The following SYT1 variants were observed in gnomAD, a reference collection of about 807,000 sequenced individuals.
SYT1 encodes synaptotagmin 1.
SYT1 carries 8 observed loss-of-function variants against 44.8 expected under a neutral mutation model. The observed-to-expected ratio is 0.18, with a 90% confidence interval of 0.10 to 0.32. The LOEUF is 0.32. Ranked by LOEUF, SYT1 falls within the 10% of genes least tolerant of loss-of-function variation. The pLI, the probability that SYT1 is intolerant of heterozygous loss-of-function variation, is 1.00. For synonymous variants in SYT1, 154 were observed against 188.8 expected, an observed-to-expected ratio of 0.82 and a Z score of 1.51; for missense variants, 286 against 509.3, an observed-to-expected ratio of 0.56 and a Z score of 4.22.
chr12:78,888,839 G>A (rs561342537), intron 1 of SYT1, among the ~76,000 whole-genome samples: 5 of 151,780 alleles, frequency 3.3e-5, no homozygotes, highest in African/African-American at 4.8e-5. Context: ...ACTTTGGAGC[G>A]CAAGGTTCTT....
intron 4 of SYT1, among the ~76,000 whole-genome samples, chr12:79,268,337 G>A (rs887726221): frequency 4.6e-5 from 7 of 152,118 alleles, no homozygotes; most frequent in African/African-American, 7.2e-5. Context: ...TAAGTTTGCC[G>A]TGACTATATA....
rs915841053 is a variant in SYT1, at chr12:79,001,190, A to G, written c.-84+23259A>G. Among the ~76,000 whole-genome samples, 7 of 152,060 alleles carry G rather than the reference A, an allele frequency of 4.6e-5. No individual in the cohort carries two copies. In the East Asian group the frequency reaches 1.2e-3, roughly 25 times the overall value. On this transcript the variant is annotated intron_variant, in intron 2 of 10. Transcript: ENST00000261205. The stretch of plus-strand genomic sequence containing the variant: ...TATTTAACCAGTTTACCTATTTTAC[A>G]TGCTACATTTAATGGACTAAAATGA...
intron 9 of SYT1, among the ~76,000 whole-genome samples, chr12:79,374,589 A>G (rs1042838806): frequency 2.0e-5 from 3 of 152,218 alleles, no homozygotes; most frequent in Non-Finnish European, 4.4e-5. Flanking sequence ...AAACCAGATT[A>G]GTTTCAGGAC....
chr12:79,264,609 A>G (rs1258015118), intron 4 of SYT1, among the ~76,000 whole-genome samples: 1 of 152,220 alleles, frequency 6.6e-6, no homozygotes, highest in Non-Finnish European at 1.5e-5. Context: ...CATGTTGCCA[A>G]TGGAAAGATA....
At chr12:79,435,937 C>T (rs1054288252) in intron 9 of SYT1, among the ~76,000 whole-genome samples, 4 of 152,096 alleles carry the variant, frequency 2.6e-5, no homozygotes, top group South Asian at 4.2e-4. Context: ...AGAACCCCTG[C>T]TTTAAGGATA....
At position 78,864,803 on chromosome 12, in the gene SYT1, G is replaced by GGCAGCGGCAGCAGCAGTTA. The variant is rs1242875153; in HGVS notation, c.-513_-495dup. The stretch of plus-strand genomic sequence containing the variant: ...TCTTTCCACCTCCTCCTGCAGCAGC[G>GGCAGCGGCAGCAGCAGTTA]GCAGCGGCAGCAGCAGTTAGCAGCG... On this transcript the variant is annotated 5_prime_UTR_variant, in exon 1 of 11. Transcript: ENST00000261205. 1.9e-5 allele frequency: 3 copies of GGCAGCGGCAGCAGCAGTTA among 157,918 alleles called. No homozygotes were observed. The highest frequency in any genetic ancestry group is 6.5e-5 in the Admixed American group (1 of 15,340). 9.8% of individuals were successfully genotyped at this position (157,918 alleles called of 1,614,324 possible). A position where few individuals can be genotyped will look rare whatever the true frequency, so the allele number is the denominator to read the frequency against.
chr12:79,089,364 T>C (rs564174057), intron 3 of SYT1, among the ~76,000 whole-genome samples: 24 of 151,890 alleles, frequency 1.6e-4, no homozygotes, highest in African/African-American at 5.5e-4. Context: ...TTATACTGAG[T>C]TATCTATTTC....
chr12:79,277,698 C>A (rs1358237562), intron 4 of SYT1, among the ~76,000 whole-genome samples: 2 of 152,058 alleles, frequency 1.3e-5, no homozygotes, highest in Non-Finnish European at 2.9e-5. Context: ...GTTCTAAATT[C>A]TCCACTTAAA....
Position 79,249,645 on chromosome 12 carries a change from C to CAAGG in SYT1, c.166+31961_166+31964dup, listed in dbSNP as rs565429270. On this transcript the variant is annotated intron_variant, in intron 4 of 10. Transcript: ENST00000261205. ...AGTACCTGCAGGAAGGATGTAGAAACAAGGGTCTTGTCATTTGCAGATAAC... is the reference window on the plus strand; with the variant it reads ...AGTACCTGCAGGAAGGATGTAGAAACAAGGAAGGGTCTTGTCATTTGCAGATAAC... Among the ~76,000 whole-genome samples, 527 of 152,282 alleles carry CAAGG rather than the reference C, an allele frequency of 3.5e-3. 2 individuals carry two copies. The highest frequency in any genetic ancestry group is 0.012 in the African/African-American group (485 of 41,554).
intron 9 of SYT1, among the ~76,000 whole-genome samples, chr12:79,434,055 C>G (rs113439765): frequency 6.2e-4 from 95 of 152,278 alleles, no homozygotes; most frequent in African/African-American, 2.2e-3. Context: ...AATGGTTTCC[C>G]CCACCACTAA....
At chr12:79,261,067 T>TG (rs1391340245) in intron 4 of SYT1, among the ~76,000 whole-genome samples, 3 of 152,154 alleles carry the variant, frequency 2.0e-5, no homozygotes, top group Non-Finnish European at 4.4e-5. Flanking sequence ...TCATTGTTCT[T>TG]GGGGGTTGTA....
intron 2 of SYT1, among the ~76,000 whole-genome samples, chr12:79,020,170 A>G (rs1872094402): frequency 6.6e-6 from 1 of 152,022 alleles, no homozygotes; most frequent in Non-Finnish European, 1.5e-5. Flanking sequence ...CTTCATCAGT[A>G]TGAATTAGAA....
intron 1 of SYT1, among the ~76,000 whole-genome samples, chr12:78,898,885 T>C (rs1035077502): frequency 4.6e-5 from 7 of 152,136 alleles, no homozygotes; most frequent in Non-Finnish European, 5.9e-5. Flanking sequence ...AATTATCAGC[T>C]AACATGGGAC....
At chr12:79,164,515 A>G (rs1871130129) in intron 3 of SYT1, among the ~76,000 whole-genome samples, 1 of 152,058 alleles carries the variant, frequency 6.6e-6, no homozygotes, top group South Asian at 2.1e-4. Flanking sequence ...AGAAAGACCT[A>G]TGTCCCTTTA....
chr12:79,051,406 C>A (rs1348844818), intron 3 of SYT1, among the ~76,000 whole-genome samples: 2 of 149,706 alleles, frequency 1.3e-5, no homozygotes, highest in African/African-American at 4.9e-5. Flanking sequence ...TTATATATAT[C>A]TCTACTATAT....
At chr12:79,027,625 A>G (rs1872611338) in intron 2 of SYT1, among the ~76,000 whole-genome samples, 1 of 151,548 alleles carries the variant, frequency 6.6e-6, no homozygotes, top group African/African-American at 2.4e-5. Flanking sequence ...TGTGACAACC[A>G]TACATACTCG....
At position 79,291,998 on chromosome 12, in the gene SYT1, C is replaced by T. The variant is rs371043983; in HGVS notation, c.352-10C>T. On this transcript the variant is annotated splice_polypyrimidine_tract_variant and intron_variant, in intron 5 of 10. Coordinates refer to ENST00000261205, the MANE Select transcript of SYT1 (RefSeq NM_005639.3). ...CTGAAATTCACATGTGATCCTTTCT[C>T]TATACATAGGCCCTCAAGGATGATG... The T allele has an allele frequency of 8.4e-5, 136 of 1,613,138 alleles. No homozygotes were observed. Among genetic ancestry groups the T allele is most frequent in the Non-Finnish European group, 1.1e-4 (129 of 1,179,828 alleles).
intron 3 of SYT1, among the ~76,000 whole-genome samples, chr12:79,116,501 A>G (rs1386421018): frequency 6.6e-6 from 1 of 152,152 alleles, no homozygotes; most frequent in African/African-American, 2.4e-5. Flanking sequence ...TTTGTGTCTT[A>G]TTTCATAAGT....
At chr12:79,089,747 G>C (rs1877642082) in intron 3 of SYT1, among the ~76,000 whole-genome samples, 1 of 151,978 alleles carries the variant, frequency 6.6e-6, no homozygotes. Context: ...CCAGAATTGA[G>C]AGCAAACACT....
Sources: allele counts gnomAD v4.1 joint callset (sites outside exome capture counted in the v4.1 genomes callset), GRCh38; gene constraint gnomAD v4.1.1; transcripts MANE v1.5; gene names NCBI Gene and HGNC (gene_info 2026-07-23, HGNC 2026-07-21).